The following CTNNA2 variants were observed in gnomAD, a reference collection of about 807,000 sequenced individuals.
CTNNA2 encodes catenin alpha-2.
A neutral mutation model predicts 101.0 loss-of-function variants in CTNNA2; 42 were observed. That is an observed-to-expected ratio of 0.42 (90% CI 0.32 to 0.54). The LOEUF (loss-of-function observed/expected upper bound fraction) is 0.54, where lower values mean the gene tolerates loss of function less well. CTNNA2 is among the 20% of genes least tolerant of loss of function. CTNNA2 has a pLI of 0.14. For synonymous variants in CTNNA2, 450 were observed against 456.4 expected (o/e 0.99, Z 0.18); for missense variants, 871 against 1,223.1 (o/e 0.71, Z 4.29).
rs531990982 is a variant in CTNNA2, at chr2:79,456,196, G to A, written c.-134-48858G>A. ...TTAAACTATTGAATTATAAAATTAC[G>A]TCTTTACATTATTTTAAATTACTTT... is the stretch of plus-strand genomic sequence containing the variant. On this transcript the variant is annotated intron_variant, in intron 4 of 21. Coordinates refer to the CTNNA2 transcript ENST00000466387. Among the ~76,000 whole-genome samples the A allele has an allele frequency of 6.1e-4, 91 of 150,122 alleles. No individual in the cohort carries two copies. In the East Asian group the frequency reaches 0.011, roughly 19 times the overall value.
At chr2:80,167,614 A>G (rs1704788888) in intron 7 of CTNNA2, among the ~76,000 whole-genome samples, 1 of 152,206 alleles carries the variant, frequency 6.6e-6, no homozygotes, top group Non-Finnish European at 1.5e-5. Flanking sequence ...CCAGTGTTAA[A>G]GATCATTGTT....
intron 8 of CTNNA2, among the ~76,000 whole-genome samples, chr2:80,412,461 G>A (rs1239315223): frequency 1.3e-5 from 2 of 152,190 alleles, no homozygotes; most frequent in Non-Finnish European, 2.9e-5. Flanking sequence ...GTAGACTACT[G>A]TTATTTCAGT....
intron 2 of CTNNA2, among the ~76,000 whole-genome samples, chr2:79,309,045 A>G (rs1676308686): frequency 1.3e-5 from 2 of 151,952 alleles, no homozygotes; most frequent in Non-Finnish European, 2.9e-5. Flanking sequence ...TATATATATG[A>G]GTATATTTTT....
chr2:80,156,244 A>G (rs1050147329), intron 7 of CTNNA2, among the ~76,000 whole-genome samples: 33 of 152,182 alleles, frequency 2.2e-4, no homozygotes, highest in African/African-American at 7.7e-4. Context: ...ACTCACTGTG[A>G]ATCCCATCCG....
At chr2:80,249,532 A>C (rs944969084) in intron 7 of CTNNA2, among the ~76,000 whole-genome samples, 4 of 152,344 alleles carry the variant, frequency 2.6e-5, no homozygotes, top group East Asian at 3.9e-4. Context: ...GCTGGAAGAT[A>C]GTTTTAACTT....
intron 3 of CTNNA2, among the ~76,000 whole-genome samples, chr2:79,752,240 C>G (rs4852516): frequency 6.6e-6 from 1 of 151,846 alleles, no homozygotes; most frequent in Admixed American, 6.6e-5. Flanking sequence ...TGAAGTAGAA[C>G]TAAATTAGGG....
At chr2:79,383,002 G>A (rs1291333023) in intron 4 of CTNNA2, among the ~76,000 whole-genome samples, 1 of 152,206 alleles carries the variant, frequency 6.6e-6, no homozygotes, top group Non-Finnish European at 1.5e-5. Context: ...GAGATGAAAA[G>A]AAGAATAACA....
chr2:79,264,460 A>G (rs537809263), intron 2 of CTNNA2, among the ~76,000 whole-genome samples: 1 of 152,186 alleles, frequency 6.6e-6, no homozygotes, highest in East Asian at 1.9e-4. Context: ...TGAGCAAATA[A>G]TAGTACATAC....
chr2:79,794,992 A>T (rs1175047841), intron 3 of CTNNA2, among the ~76,000 whole-genome samples: 2 of 152,232 alleles, frequency 1.3e-5, no homozygotes, highest in Non-Finnish European at 2.9e-5. Context: ...TACCTACTAT[A>T]TGTCTAAATA....
chr2:79,341,558 C>T (rs577293370), intron 3 of CTNNA2, among the ~76,000 whole-genome samples: 2 of 152,188 alleles, frequency 1.3e-5, no homozygotes, highest in Admixed American at 1.3e-4. Flanking sequence ...TTTGGAGCAA[C>T]GATCTTTGTT....
chr2:80,370,578 A>G (rs906664556), intron 7 of CTNNA2, among the ~76,000 whole-genome samples: 1 of 152,150 alleles, frequency 6.6e-6, no homozygotes. Flanking sequence ...GGAGAAAAAA[A>G]CTTAAAAATT....
chr2:79,918,093 G>GA (rs5832420), intron 7 of CTNNA2, among the ~76,000 whole-genome samples: 2 of 151,886 alleles, frequency 1.3e-5, no homozygotes, highest in Non-Finnish European at 2.9e-5. Context: ...TCATTGCGGT[G>GA]AAAAAACAGT....
chr2:80,488,084 C>G (rs1248854801), intron 9 of CTNNA2, among the ~76,000 whole-genome samples: 1 of 152,064 alleles, frequency 6.6e-6, no homozygotes, highest in African/African-American at 2.4e-5. Context: ...GAATCCTATA[C>G]CTTATTTGCA....
At chr2:79,872,624 A>C in intron 5 of CTNNA2, among the ~76,000 whole-genome samples, 1 of 152,202 alleles carries the variant, frequency 6.6e-6, no homozygotes, top group East Asian at 1.9e-4. Context: ...GCTTAAGCAA[A>C]GGGGGAAAAA....
At chr2:80,019,912 C>G (rs768632379) in intron 7 of CTNNA2, among the ~76,000 whole-genome samples, 1 of 152,222 alleles carries the variant, frequency 6.6e-6, no homozygotes, top group African/African-American at 2.4e-5. Flanking sequence ...GACATTTAGA[C>G]CCCTGTAGTT....
At chr2:79,592,121 G>GA (rs1558755772) in intron 1 of CTNNA2, among the ~76,000 whole-genome samples, 5 of 29,002 alleles carry the variant, frequency 1.7e-4, no homozygotes, top group African/African-American at 5.7e-4. Flanking sequence ...ACTTCTTTTT[G>GA]CTTTTTTTTT....
intron 7 of CTNNA2, among the ~76,000 whole-genome samples, chr2:80,077,072 A>G (rs1698806018): frequency 6.6e-6 from 1 of 152,088 alleles, no homozygotes; most frequent in Non-Finnish European, 1.5e-5. Flanking sequence ...CAAAAGTTAG[A>G]GACTCACTAA....
chr2:80,572,140 A>AT (rs1558601218), intron 12 of CTNNA2, among the ~76,000 whole-genome samples: 1 of 152,120 alleles, frequency 6.6e-6, no homozygotes, highest in African/African-American at 2.4e-5. Flanking sequence ...GAAGGGTACC[A>AT]TTGTGTCTGC....
chr2:79,829,524 C>G, intron 3 of CTNNA2, among the ~76,000 whole-genome samples: 1 of 150,820 alleles, frequency 6.6e-6, no homozygotes, highest in East Asian at 2.0e-4. Flanking sequence ...GAGCTGAGAT[C>G]GCGCCATTGC....
Sources: allele counts gnomAD v4.1 joint callset (sites outside exome capture counted in the v4.1 genomes callset), GRCh38; gene constraint gnomAD v4.1.1; transcripts MANE v1.5; gene names NCBI Gene and HGNC (gene_info 2026-07-23, HGNC 2026-07-21).